Variants in SGCZ observed in about 807,000 individuals in gnomAD.
SGCZ encodes zeta-sarcoglycan.
A neutral mutation model predicts 41.3 loss-of-function variants in SGCZ; 40 were observed. That is an observed-to-expected ratio of 0.97 (90% CI 0.75 to 1.26). SGCZ has a LOEUF of 1.26. Ranked by LOEUF, SGCZ falls within the 50% of genes most tolerant of loss-of-function variation. The pLI is 0.00. For missense variants in SGCZ, 552 were observed against 369.8 expected, an observed-to-expected ratio of 1.49 and a Z score of -4.04; for synonymous variants, 206 against 137.5, an observed-to-expected ratio of 1.50 and a Z score of -3.49.
At chr8:14,937,047 A>G (rs187754380) in intron 1 of SGCZ, among the ~76,000 whole-genome samples, 4 of 151,978 alleles carry the variant, frequency 2.6e-5, no homozygotes, top group Non-Finnish European at 5.9e-5. Context: ...TGATAAGAGC[A>G]GAGATTAATA....
chr8:14,366,742 T>C (rs1803720603), intron 2 of SGCZ, among the ~76,000 whole-genome samples: 1 of 152,006 alleles, frequency 6.6e-6, no homozygotes, highest in Non-Finnish European at 1.5e-5. Context: ...AACTGAAGAG[T>C]TCACAGAGTA....
intron 1 of SGCZ, among the ~76,000 whole-genome samples, chr8:14,626,993 G>A (rs1171509131): frequency 6.6e-6 from 1 of 152,122 alleles, no homozygotes; most frequent in Non-Finnish European, 1.5e-5. Context: ...GGTAAAAAAA[G>A]CACATGATAG....
chr8:15,093,276 C>G (rs897245696), intron 1 of SGCZ, among the ~76,000 whole-genome samples: 35 of 152,166 alleles, frequency 2.3e-4, no homozygotes, highest in Non-Finnish European at 3.4e-4. Context: ...TAAGCATTAG[C>G]CACAGTACCG....
At chr8:14,326,073 C>G (rs943805408) in intron 2 of SGCZ, among the ~76,000 whole-genome samples, 15 of 114,980 alleles carry the variant, frequency 1.3e-4, no homozygotes, top group African/African-American at 4.9e-4. Flanking sequence ...GATCGCTCCA[C>G]TGAACTCCAG....
intron 7 of SGCZ, among the ~76,000 whole-genome samples, chr8:14,100,276 G>T (rs890659819): frequency 2.0e-5 from 3 of 151,314 alleles, no homozygotes; most frequent in Non-Finnish European, 4.4e-5. Flanking sequence ...TGAATCAAAG[G>T]ACTCTGCTGA....
At chr8:14,097,561 T>C (rs549939184) in intron 7 of SGCZ, among the ~76,000 whole-genome samples, 49 of 152,324 alleles carry the variant, frequency 3.2e-4, no homozygotes, top group African/African-American at 1.1e-3. Context: ...GAATGTATAG[T>C]CTGTTGATTT....
chr8:15,132,151 T>C (rs891357778), intron 1 of SGCZ, among the ~76,000 whole-genome samples: 1 of 152,192 alleles, frequency 6.6e-6, no homozygotes, highest in Non-Finnish European at 1.5e-5. Context: ...ATTTTTTTCA[T>C]ACAGTTTCTT....
At chr8:14,841,854 T>C (rs1802927493) in intron 1 of SGCZ, among the ~76,000 whole-genome samples, 1 of 152,162 alleles carries the variant, frequency 6.6e-6, no homozygotes, top group African/African-American at 2.4e-5. Context: ...CACATCAAAC[T>C]GTTAATGAAT....
At chr8:15,127,900 T>C (rs1458715533) in intron 1 of SGCZ, among the ~76,000 whole-genome samples, 1 of 152,224 alleles carries the variant, frequency 6.6e-6, no homozygotes, top group Non-Finnish European at 1.5e-5. Flanking sequence ...TTAATACAGC[T>C]ATTTATATTC....
chr8:14,460,203 A>T (rs944977347), intron 2 of SGCZ, among the ~76,000 whole-genome samples: 25 of 152,224 alleles, frequency 1.6e-4, no homozygotes, highest in African/African-American at 5.8e-4. Flanking sequence ...TTATTTCAAA[A>T]TAATAAACAA....
Position 14,975,895 on chromosome 8 carries a change from C to T in SGCZ, c.39+261690G>A, listed in dbSNP as rs62495378. Reference sequence around the variant, plus strand: ...TTTTACACACACACACACACACACACATATATATACACACACATATCTAAA... The same window carrying T: ...TTTTACACACACACACACACACACATATATATATACACACACATATCTAAA... On this transcript the variant is annotated intron_variant, in intron 1 of 7. Transcript: ENST00000382080. 4.8e-3 allele frequency among the ~76,000 whole-genome samples: 570 copies of T among 118,818 alleles called. 2 individuals are homozygous for T. Among genetic ancestry groups the T allele is most frequent in the Middle Eastern group, 0.045 (10 of 222 alleles). The allele number at this position is 118,818 out of a possible 152,430, so 77.9% of individuals were successfully genotyped here.
intron 2 of SGCZ, among the ~76,000 whole-genome samples, chr8:14,517,642 G>A (rs771787007): frequency 9.2e-5 from 14 of 151,888 alleles, no homozygotes; most frequent in African/African-American, 3.1e-4. Context: ...TTAACTGCTC[G>A]TTGAAAATCT....
At chr8:14,287,234 G>A (rs1800672908) in intron 3 of SGCZ, among the ~76,000 whole-genome samples, 1 of 150,890 alleles carries the variant, frequency 6.6e-6, no homozygotes, top group Non-Finnish European at 1.5e-5. Context: ...TTTTCAATGT[G>A]TATATAATTA....
In SGCZ at chr8:14,915,160, A is replaced by G. The variant is rs148739507; in HGVS notation, c.39+322425T>C. ...GGATATCTTCCCGTTTTAAATATAT[A>G]TAATGTTGGCATGCATTTAGATAAA... On this transcript the variant is annotated intron_variant, in intron 1 of 7. Coordinates refer to ENST00000382080, the MANE Select transcript of SGCZ (RefSeq NM_139167.4). Among the ~76,000 whole-genome samples, 11 of 152,294 alleles carry G rather than the reference A, an allele frequency of 7.2e-5. No individual in the cohort carries two copies. The East Asian group carries it at 2.1e-3, about 29-fold the overall frequency.
chr8:14,849,855 A>G (rs1387120207), intron 1 of SGCZ, among the ~76,000 whole-genome samples: 1 of 152,236 alleles, frequency 6.6e-6, no homozygotes, highest in Non-Finnish European at 1.5e-5. Context: ...CACTCCAAGT[A>G]CTATCTACGA....
chr8:14,137,870 C>T (rs996648253), intron 5 of SGCZ, among the ~76,000 whole-genome samples: 1 of 152,102 alleles, frequency 6.6e-6, no homozygotes, highest in African/African-American at 2.4e-5. Context: ...CCCCAAGACA[C>T]ATAATTGTCA....
At chr8:15,121,422 G>T (rs1209074281) in intron 1 of SGCZ, among the ~76,000 whole-genome samples, 1 of 152,098 alleles carries the variant, frequency 6.6e-6, no homozygotes, top group Non-Finnish European at 1.5e-5. Context: ...TACAAAATGT[G>T]TCATATAGCA....
intron 1 of SGCZ, among the ~76,000 whole-genome samples, chr8:14,618,307 G>C (rs1806173271): frequency 6.6e-6 from 1 of 152,126 alleles, no homozygotes; most frequent in African/African-American, 2.4e-5. Flanking sequence ...GGGTTGAATA[G>C]AGCCCATTGC....
At chr8:14,928,539 A>G (rs974109248) in intron 1 of SGCZ, among the ~76,000 whole-genome samples, 1 of 152,230 alleles carries the variant, frequency 6.6e-6, no homozygotes, top group Non-Finnish European at 1.5e-5. Context: ...ATTTGCCTCT[A>G]AATTTAGCTT....
Sources: allele counts gnomAD v4.1 joint callset (sites outside exome capture counted in the v4.1 genomes callset), GRCh38; gene constraint gnomAD v4.1.1; transcripts MANE v1.5; gene names NCBI Gene and HGNC (gene_info 2026-07-23, HGNC 2026-07-21).